Variants in OLFM3 observed in about 807,000 individuals in gnomAD.
OLFM3 encodes the protein noelin-3.
A neutral mutation model predicts 48.6 loss-of-function variants in OLFM3; 20 were observed. The ratio of observed to expected loss-of-function variants is 0.41; its 90% CI spans 0.29 to 0.60. OLFM3 has a LOEUF of 0.60. Ranked by LOEUF, OLFM3 falls within the 20% of genes least tolerant of loss-of-function variation. The pLI is 0.28. For missense variants in OLFM3, 437 were observed against 544.3 expected (o/e 0.80, Z 1.96); for synonymous variants, 222 against 198.1 (o/e 1.12, Z -1.01).
At chr1:101,882,539 G>T (rs928868806) in intron 1 of OLFM3, 1 of 151,738 alleles carries the variant, frequency 6.6e-6, no homozygotes, top group Non-Finnish European at 1.5e-5. Flanking sequence ...AGATAGTATT[G>T]ATCTGGATCC....
chr1:101,939,640 G>T (rs1055948990), intron 1 of OLFM3, among the ~76,000 whole-genome samples: 1 of 152,194 alleles, frequency 6.6e-6, no homozygotes, highest in East Asian at 1.9e-4. Context: ...ATGGACAAAG[G>T]AGTAGACTCA....
At chr1:101,986,118 A>C (rs1238635906) in intron 1 of OLFM3, among the ~76,000 whole-genome samples, 1 of 151,944 alleles carries the variant, frequency 6.6e-6, no homozygotes, top group East Asian at 1.9e-4. Flanking sequence ...GGCGCCCGCC[A>C]CCACGCCCGG....
chr1:101,952,984 G>C (rs1471543877), intron 1 of OLFM3, among the ~76,000 whole-genome samples: 1 of 152,004 alleles, frequency 6.6e-6, no homozygotes, highest in Non-Finnish European at 1.5e-5. Context: ...GGTGCTGTAA[G>C]TTTTATTCTA....
intron 1 of OLFM3, among the ~76,000 whole-genome samples, chr1:101,990,354 T>C (rs1262852374): frequency 6.6e-6 from 1 of 152,192 alleles, no homozygotes; most frequent in Non-Finnish European, 1.5e-5. Flanking sequence ...TTTTTTATTA[T>C]TAGGAGTCCT....
chr1:101,840,295 C>T (rs780454552), intron 1 of OLFM3, among the ~76,000 whole-genome samples: 111 of 152,184 alleles, frequency 7.3e-4, no homozygotes, highest in Non-Finnish European at 1.4e-3. Flanking sequence ...TATTATAATA[C>T]ACCTATGGAC....
intron 1 of OLFM3, among the ~76,000 whole-genome samples, chr1:101,960,585 A>T (rs1447524169): frequency 6.6e-6 from 1 of 152,214 alleles, no homozygotes; most frequent in Non-Finnish European, 1.5e-5. Context: ...CAGTCTGGCT[A>T]TGTTGTCCTA....
intron 1 of OLFM3, among the ~76,000 whole-genome samples, chr1:101,950,668 T>C (rs1178031309): frequency 1.3e-5 from 2 of 151,912 alleles, no homozygotes; most frequent in African/African-American, 4.8e-5. Context: ...ATGGTCTTGA[T>C]CTCCTGACCT....
chr1:101,974,579 A>G (rs1363095609), intron 1 of OLFM3, among the ~76,000 whole-genome samples: 1 of 152,100 alleles, frequency 6.6e-6, no homozygotes, highest in East Asian at 1.9e-4. Flanking sequence ...CCAGGTTATA[A>G]GGACCCATAG....
chr1:101,916,744 C>A (rs984298808), intron 1 of OLFM3, among the ~76,000 whole-genome samples: 1 of 152,088 alleles, frequency 6.6e-6, no homozygotes, highest in East Asian at 1.9e-4. Context: ...AAACATAAAT[C>A]ATTAATGTCA....
At chr1:101,989,264 A>T (rs1365500526) in intron 1 of OLFM3, among the ~76,000 whole-genome samples, 1 of 152,120 alleles carries the variant, frequency 6.6e-6, no homozygotes, top group African/African-American at 2.4e-5. Context: ...AAAATAACAG[A>T]AGGCATAGCT....
intron 1 of OLFM3, among the ~76,000 whole-genome samples, chr1:101,942,429 A>G (rs1659823694): frequency 6.6e-6 from 1 of 152,192 alleles, no homozygotes; most frequent in Non-Finnish European, 1.5e-5. Flanking sequence ...TGGTGATATT[A>G]CTAAGGGTTT....
chr1:101,897,461 G>C (rs901636216), intron 1 of OLFM3, among the ~76,000 whole-genome samples: 5 of 152,098 alleles, frequency 3.3e-5, no homozygotes, highest in African/African-American at 9.7e-5. Flanking sequence ...CCTAATTTTA[G>C]GTTGTGAATG....
At chr1:101,831,948 G>T (rs923828655) in intron 2 of OLFM3, among the ~76,000 whole-genome samples, 3 of 152,138 alleles carry the variant, frequency 2.0e-5, no homozygotes, top group African/African-American at 4.8e-5. Context: ...TGTCACCCAG[G>T]CTGGAGTGCA....
chr1:101,824,687 AAC>A (rs1654775008), intron 4 of OLFM3, among the ~76,000 whole-genome samples: 1 of 151,572 alleles, frequency 6.6e-6, no homozygotes, highest in African/African-American at 2.4e-5. Context: ...AACAACAAAA[AAC>A]AGTTTCTTTT....
intron 4 of OLFM3, among the ~76,000 whole-genome samples, chr1:101,823,477 T>C (rs2100895138): frequency 6.6e-6 from 1 of 152,014 alleles, no homozygotes; most frequent in South Asian, 2.1e-4. Context: ...AACAACTCCA[T>C]GGTAAGACAT....
At chr1:101,811,179 C>T (rs1015073783) in intron 4 of OLFM3, among the ~76,000 whole-genome samples, 1 of 151,972 alleles carries the variant, frequency 6.6e-6, no homozygotes, top group Admixed American at 6.6e-5. Context: ...ATGTAATGTG[C>T]ATTCCCACAA....
intron 1 of OLFM3, among the ~76,000 whole-genome samples, chr1:101,972,891 C>T: frequency 6.6e-6 from 1 of 152,144 alleles, no homozygotes; most frequent in East Asian, 1.9e-4. Flanking sequence ...AGTCTCAATT[C>T]CTTCCACAAC....
chr1:101,909,354 C>A lies in OLFM3; in HGVS notation c.70-72329G>T, dbSNP rs1000502997. 6.6e-5 allele frequency among the ~76,000 whole-genome samples: 10 copies of A among 152,192 alleles called. No individual in the cohort carries two copies. In the South Asian group the frequency reaches 1.0e-3, roughly 16 times the overall value. Reference sequence around the variant, plus strand: ...AAACTCTATTTGTAATTATTTGATTCTATAAATAACATTTTTTGTACAAAT... The same window carrying A: ...AAACTCTATTTGTAATTATTTGATTATATAAATAACATTTTTTGTACAAAT... On this transcript the variant is annotated intron_variant, in intron 1 of 5. Transcript: ENST00000370103.
chr1:101,886,337 T>C (rs1657759525), intron 1 of OLFM3, among the ~76,000 whole-genome samples: 1 of 152,096 alleles, frequency 6.6e-6, no homozygotes. Context: ...GTTCATTTTG[T>C]AGAAGTGCAG....
Sources: gnomAD v4.1 joint callset for allele counts (sites outside exome capture counted in the v4.1 genomes callset) on GRCh38, gnomAD v4.1.1 for gene constraint, MANE v1.5 for transcripts, NCBI Gene and HGNC (gene_info 2026-07-23, HGNC 2026-07-21) for gene names.